Variants in SYP observed in about 807,000 individuals in gnomAD.
The protein encoded by SYP is major synaptic vesicle protein P38.
Under a neutral mutation model 24.3 loss-of-function variants are expected in SYP, and 2 were observed. That is an observed-to-expected ratio of 0.08 (90% CI 0.03 to 0.26). The LOEUF (loss-of-function observed/expected upper bound fraction) is 0.26. SYP is among the 10% of genes least tolerant of loss of function. SYP has a pLI of 1.00. For synonymous variants in SYP, 143 were observed against 123.2 expected (o/e 1.16, Z -1.07); for missense variants, 216 against 266.3 (o/e 0.81, Z 1.32).
chrX:49,197,658 G>T (rs1557103479), intron 3 of SYP, 57 bp downstream of exon 3: 1 of 1,185,208 alleles, frequency 8.4e-7, no homozygotes, highest in Admixed American at 2.3e-5. Flanking sequence ...GTATTGGCCG[G>T]TTCCACCCTG....
At chrX:49,193,801 G>T (rs990238502) in intron 4 of SYP, among the ~76,000 whole-genome samples, 3 of 112,134 alleles carry the variant, frequency 2.7e-5, no homozygotes, top group Non-Finnish European at 5.6e-5. Context: ...TAGGCTGAGG[G>T]TATGTGAGTA....
At chrX:49,195,480 T>C (rs1210751592) in intron 3 of SYP, among the ~76,000 whole-genome samples, 2 of 110,118 alleles carry the variant, frequency 1.8e-5, no homozygotes, top group Non-Finnish European at 3.8e-5. Flanking sequence ...AAAAAATGTA[T>C]GCATAGCAGA....
At position 49,199,005 on chromosome X, in the gene SYP, A is replaced by G. The variant is rs782036302; in HGVS notation, c.65T>C (p.Val22Ala). 1 of 1,211,183 alleles carries G rather than the reference A, an allele frequency of 8.3e-7. No individual in the cohort carries two copies. Among genetic ancestry groups the G allele is most frequent in the East Asian group, 3.0e-5 (1 of 33,837 alleles). The change falls in exon 2 of 7, where the codon GTC becomes GCC. Residue 22 changes from valine to alanine, a missense_variant. This residue lies in a region of SYP where 102 missense variants were observed against 158.4 expected (regional missense o/e 0.64). Coordinates refer to ENST00000263233, the MANE Select transcript of SYP (RefSeq NM_003179.3). ...QLVAGGQFRV[V>A]KEPLGFVKVL... ...CTTCACAAAGCCGAGGGGCTCCTTG[A>G]CCACCCGGAACTGACCCCCAGCCAC...
intron 4 of SYP, among the ~76,000 whole-genome samples, 183 bp from the exon 5 acceptor site, chrX:49,193,646 T>A (rs782654614): frequency 1.1e-4 from 12 of 112,992 alleles, no homozygotes; most frequent in Middle Eastern, 4.6e-3. Context: ...TGTGTGTACA[T>A]GACACAGAGG....
chrX:49,198,859 C>T lies in SYP; in HGVS notation c.102+109G>A, dbSNP rs916699532. 11 of 907,882 alleles carry T rather than the reference C, an allele frequency of 1.2e-5. No individual in the cohort carries two copies. In the South Asian group the frequency reaches 1.9e-4, roughly 16 times the overall value. 74.8% of individuals were successfully genotyped at this position (907,882 alleles called of 1,213,427 possible). A position where few individuals can be genotyped will look rare whatever the true frequency, so the allele number is the denominator to read the frequency against. On this transcript the variant is annotated intron_variant, in intron 2 of 6. Transcript: ENST00000263233. ...AGCCCAATTCCCCCATCCCCTACAACCCCCGCACTCATCCCTGGCTACTCG... is the reference window on the plus strand; with the variant it reads ...AGCCCAATTCCCCCATCCCCTACAATCCCCGCACTCATCCCTGGCTACTCG...
intron 2 of SYP, chrX:49,198,121 GTC>G: frequency 5.5e-6 from 2 of 365,699 alleles, no homozygotes; most frequent in Non-Finnish European, 9.6e-6. Context: ...ATCTCACTGT[GTC>G]TCTGTTTCTC....
intron 1 of SYP, among the ~76,000 whole-genome samples, chrX:49,199,812 AC>A (rs1444002821): frequency 6.5e-5 from 6 of 91,938 alleles, no homozygotes; most frequent in Admixed American, 4.8e-4. Flanking sequence ...TATCCGCAGC[AC>A]CCCCCATCTT....
chrX:49,199,138 G>A (rs2065540319), intron 1 of SYP, 105 bp from the exon 2 acceptor site: 2 of 796,337 alleles, frequency 2.5e-6, no homozygotes, highest in East Asian at 3.4e-5. Flanking sequence ...ATGTGACCTC[G>A]GGGAGAGGGT....
At chrX:49,198,686 C>T in intron 2 of SYP, 1 of 380,973 alleles carries the variant, frequency 2.6e-6, no homozygotes, top group Non-Finnish European at 4.6e-6. Flanking sequence ...GCATCTGCTA[C>T]AGGCTCCACC....
chrX:49,197,560 G>T, intron 3 of SYP, 155 bp downstream of exon 3: 1 of 785,193 alleles, frequency 1.3e-6, no homozygotes, highest in Non-Finnish European at 1.8e-6. Flanking sequence ...AGAGTCCAGA[G>T]CAGTGCCAGG....
At chrX:49,195,104 A>G (rs2065524132) in intron 3 of SYP, among the ~76,000 whole-genome samples, 1 of 110,655 alleles carries the variant, frequency 9.0e-6, no homozygotes, top group Non-Finnish European at 1.9e-5. Flanking sequence ...TCTCTCAACC[A>G]GCACTTCTTA....
chrX:49,191,574 C>G lies in SYP; in HGVS notation c.805G>C (p.Gly269Arg), dbSNP rs782630975. ...PGGYGPQDSY[G>R]PQGGYQPDYG... ...TCAGGCTGGTAGCCGCCCTGAGGCC[C>G]GTAGGAATCCTGGGGCCCGTACCCG... The change falls in exon 6 of 7, where the codon GGG becomes CGG. Residue 269 changes from glycine to arginine, a missense_variant. This residue lies in a region of SYP where 114 missense variants were observed against 107.9 expected (regional missense o/e 1.06). Coordinates refer to ENST00000263233, the MANE Select transcript of SYP (RefSeq NM_003179.3). 8.3e-7 allele frequency: 1 copy of G among 1,209,898 alleles called. No homozygotes were observed. Among genetic ancestry groups the G allele is most frequent in the Non-Finnish European group, 1.1e-6 (1 of 895,052 alleles).
At chrX:49,193,609 G>A (rs2065518327) in intron 4 of SYP, 146 bp from the exon 5 acceptor site, 2 of 631,816 alleles carry the variant, frequency 3.2e-6, no homozygotes, top group Non-Finnish European at 4.9e-6. Flanking sequence ...ACTTTCACCT[G>A]AAGGTGGCCC....
intron 3 of SYP, among the ~76,000 whole-genome samples, chrX:49,196,848 T>C (rs1389659003): frequency 8.9e-6 from 1 of 112,127 alleles, no homozygotes; most frequent in African/African-American, 3.2e-5. Flanking sequence ...TGGGTTTAAT[T>C]TTTCCCTATA....
chrX:49,196,194 G>T (rs782202762), intron 3 of SYP, among the ~76,000 whole-genome samples: 1 of 111,731 alleles, frequency 9.0e-6, no homozygotes, highest in Non-Finnish European at 1.9e-5. Context: ...GCTCTAAGCA[G>T]TGTCCCTTGC....
Position 49,197,824 on chromosome X carries a change from C to T in SYP, c.118G>A (p.Ala40Thr), listed in dbSNP as rs782533541. ...KVLQWVFAIF[A>T]FATCGSYSGE... ...CTGTAGCTGCCGCATGTGGCAAAGG[C>T]GAAGATGGCGAAGACCTTGGGCAGC... Residue 40 changes from alanine (A) to threonine (T), a missense_variant, in exon 3 of 7, where the codon GCC becomes ACC. Coordinates refer to ENST00000263233, the MANE Select transcript of SYP (RefSeq NM_003179.3). 9.9e-6 allele frequency: 12 copies of T among 1,208,689 alleles called. No homozygotes were observed. The highest frequency in any genetic ancestry group is 1.3e-5 in the Non-Finnish European group (12 of 894,098).
chrX:49,193,661 G>C (rs1437262720), intron 4 of SYP, among the ~76,000 whole-genome samples, 198 bp from the exon 5 acceptor site: 2 of 113,003 alleles, frequency 1.8e-5, no homozygotes, highest in Non-Finnish European at 3.7e-5. Flanking sequence ...CAGAGGATGT[G>C]GGAGTGTGAT....
chrX:49,193,219 C>A, intron 5 of SYP, 53 bp downstream of exon 5: 1 of 1,175,689 alleles, frequency 8.5e-7, no homozygotes, highest in Non-Finnish European at 1.2e-6. Context: ...ACTCCCCATG[C>A]CGGACTGTAC....
intron 1 of SYP, chrX:49,199,265 G>C: frequency 2.3e-6 from 1 of 437,297 alleles, no homozygotes; most frequent in Non-Finnish European, 4.1e-6. Context: ...GAGGGAGATG[G>C]GGATGAGGTC....
Sources: allele counts gnomAD v4.1 joint callset (sites outside exome capture counted in the v4.1 genomes callset), GRCh38; gene constraint gnomAD v4.1.1; regional missense constraint gnomAD v4.1.1; transcripts MANE v1.5; gene names NCBI Gene and HGNC (gene_info 2026-07-23, HGNC 2026-07-21).